The following CADPS2 variants were observed in gnomAD, a reference collection of about 807,000 sequenced individuals.
The protein encoded by CADPS2 is calcium dependent secretion activator 2.
CADPS2 carries 93 observed loss-of-function variants against 172.5 expected under a neutral mutation model. That is an observed-to-expected ratio of 0.54 (90% confidence interval 0.46 to 0.64). The LOEUF (loss-of-function observed/expected upper bound fraction) is 0.64, where lower values mean the gene tolerates loss of function less well. CADPS2 is among the 30% of genes least tolerant of loss of function. CADPS2 has a pLI of 0.00. For missense variants in CADPS2, 1,420 were observed against 1,565.9 expected (o/e 0.91, Z 1.57); for synonymous variants, 546 against 555.2 (o/e 0.98, Z 0.23).
At chr7:122,736,498 A>T (rs1358283588) in intron 2 of CADPS2, among the ~76,000 whole-genome samples, 1 of 152,200 alleles carries the variant, frequency 6.6e-6, no homozygotes, top group Non-Finnish European at 1.5e-5. Flanking sequence ...GAAACAGCAG[A>T]ATGGTATTGG....
chr7:122,660,071 A>C (rs990359840), intron 3 of CADPS2, among the ~76,000 whole-genome samples: 1 of 152,204 alleles, frequency 6.6e-6, no homozygotes, highest in African/African-American at 2.4e-5. Context: ...ATGAAAGAGC[A>C]TCAGAGGAGG....
intron 28 of CADPS2, among the ~76,000 whole-genome samples, chr7:122,341,822 C>T (rs549661780): frequency 5.9e-5 from 9 of 151,958 alleles, no homozygotes; most frequent in African/African-American, 2.2e-4. Context: ...AAGGAGGTGG[C>T]CAGGAAATGG....
chr7:122,387,692 T>C (rs1248397994), intron 23 of CADPS2, among the ~76,000 whole-genome samples: 1 of 152,064 alleles, frequency 6.6e-6, no homozygotes, highest in Non-Finnish European at 1.5e-5. Flanking sequence ...AACCTAAAAT[T>C]GCAGGCAGGT....
chr7:122,823,496 A>T (rs1298772541), intron 1 of CADPS2, among the ~76,000 whole-genome samples: 1 of 151,810 alleles, frequency 6.6e-6, no homozygotes, highest in Non-Finnish European at 1.5e-5. Context: ...CATATGATTT[A>T]ATGTGCATAG....
intron 1 of CADPS2, among the ~76,000 whole-genome samples, chr7:122,830,378 T>A (rs1184018075): frequency 6.6e-6 from 1 of 151,368 alleles, no homozygotes; most frequent in Non-Finnish European, 1.5e-5. Flanking sequence ...CAGTTAAATA[T>A]TCTTATTCTG....
intron 9 of CADPS2, among the ~76,000 whole-genome samples, chr7:122,502,328 T>C (rs2059271412): frequency 6.6e-6 from 1 of 152,158 alleles, no homozygotes; most frequent in South Asian, 2.1e-4. Flanking sequence ...AGTTTTTTCA[T>C]TCTGAGAAGC....
At chr7:122,374,611 C>A (rs1160654835) in intron 25 of CADPS2, among the ~76,000 whole-genome samples, 1 of 151,980 alleles carries the variant, frequency 6.6e-6, no homozygotes, top group Non-Finnish European at 1.5e-5. Flanking sequence ...AAATCACAGA[C>A]AAACTATCAC....
At chr7:122,650,896 T>C (rs1481744970) in intron 3 of CADPS2, among the ~76,000 whole-genome samples, 1 of 151,610 alleles carries the variant, frequency 6.6e-6, no homozygotes, top group African/African-American at 2.4e-5. Flanking sequence ...AACACATATA[T>C]AAATATTATG....
chr7:122,444,017 C>T (rs2051764601), intron 15 of CADPS2, among the ~76,000 whole-genome samples: 1 of 152,036 alleles, frequency 6.6e-6, no homozygotes, highest in Admixed American at 6.6e-5. Flanking sequence ...CATTTCCTTG[C>T]TATAATTTTG....
intron 22 of CADPS2, among the ~76,000 whole-genome samples, chr7:122,390,262 C>T (rs1470422349): frequency 2.0e-5 from 3 of 151,966 alleles, no homozygotes; most frequent in Non-Finnish European, 2.9e-5. Context: ...CATTCTGATA[C>T]TACAGTGAAA....
intron 1 of CADPS2, among the ~76,000 whole-genome samples, chr7:122,760,998 C>T (rs911639664): frequency 6.6e-6 from 1 of 152,154 alleles, no homozygotes; most frequent in African/African-American, 2.4e-5. Context: ...ACACTGTCAG[C>T]ATCTAATACT....
At chr7:122,612,655 C>T (rs1308298730) in intron 6 of CADPS2, among the ~76,000 whole-genome samples, 1 of 152,006 alleles carries the variant, frequency 6.6e-6, no homozygotes, top group Non-Finnish European at 1.5e-5. Context: ...ACTGGAATCT[C>T]AGCTGGTAAT....
chr7:122,873,130 G>A (rs1004426486), intron 1 of CADPS2, among the ~76,000 whole-genome samples: 20 of 152,002 alleles, frequency 1.3e-4, no homozygotes, highest in South Asian at 6.2e-4. Flanking sequence ...TTGGCATTTC[G>A]TTTTCCAGAT....
At chr7:122,633,533 T>C (rs1229997473) in intron 3 of CADPS2, among the ~76,000 whole-genome samples, 3 of 152,170 alleles carry the variant, frequency 2.0e-5, no homozygotes, top group African/African-American at 7.2e-5. Flanking sequence ...TATTGATTTT[T>C]GTACTTTGAT....
At chr7:122,507,717 C>T (rs947048748) in intron 9 of CADPS2, among the ~76,000 whole-genome samples, 15 of 152,048 alleles carry the variant, frequency 9.9e-5, no homozygotes, top group Middle Eastern at 3.4e-3. Flanking sequence ...TTGTTAAGAA[C>T]GAGGGAAGTG....
chr7:122,879,137 C>T (rs896757993), intron 1 of CADPS2, among the ~76,000 whole-genome samples: 1 of 150,832 alleles, frequency 6.6e-6, no homozygotes, highest in African/African-American at 2.4e-5. Flanking sequence ...CTCGAGAGGC[C>T]GAGGCACAAG....
At chr7:122,770,723 A>T (rs950007422) in intron 1 of CADPS2, among the ~76,000 whole-genome samples, 1 of 152,212 alleles carries the variant, frequency 6.6e-6, no homozygotes, top group South Asian at 2.1e-4. Context: ...CAGGATCTAA[A>T]GGTGCCTGCA....
chr7:122,823,333 G>A (rs1803942566), intron 1 of CADPS2, among the ~76,000 whole-genome samples: 1 of 152,058 alleles, frequency 6.6e-6, no homozygotes, highest in South Asian at 2.1e-4. Context: ...GTATAGATCC[G>A]AGTCTATCTC....
intron 24 of CADPS2, among the ~76,000 whole-genome samples, chr7:122,382,630 T>C (rs1046862148): frequency 6.6e-6 from 1 of 152,060 alleles, no homozygotes; most frequent in African/African-American, 2.4e-5. Context: ...TTTTGGTACA[T>C]TAATGTTTCC....
Sources: gnomAD v4.1 joint callset for allele counts (sites outside exome capture counted in the v4.1 genomes callset) on GRCh38, gnomAD v4.1.1 for gene constraint, MANE v1.5 for transcripts, NCBI Gene and HGNC (gene_info 2026-07-23, HGNC 2026-07-21) for gene names.